MMS22L: variants seen among roughly 807,000 people sequenced by gnomAD.
MMS22L encodes the protein protein MMS22-like.
MMS22L carries 74 observed loss-of-function variants against 159.1 expected under a neutral mutation model. That is an observed-to-expected ratio of 0.47 (90% CI 0.39 to 0.56). The LOEUF (loss-of-function observed/expected upper bound fraction) is 0.56. MMS22L is among the 20% of genes least tolerant of loss of function. MMS22L has a pLI of 0.00. For synonymous variants in MMS22L, 517 were observed against 506.9 expected (o/e 1.02, Z -0.27); for missense variants, 1,351 against 1,422.1 (o/e 0.95, Z 0.80).
intron 5 of MMS22L, 27 bp from the exon 6 acceptor site, chr6:97,272,908 A>T (rs1815889714): frequency 6.2e-7 from 1 of 1,607,660 alleles, no homozygotes; most frequent in Non-Finnish European, 8.5e-7. Context: ...TAAAATAAAC[A>T]ACTAGAGTCT....
chr6:97,263,471 G>A lies in MMS22L; in HGVS notation c.829-23C>T, dbSNP rs779805059. The A allele has an allele frequency of 1.4e-5, 18 of 1,299,522 alleles. 1 individual carries two copies. The South Asian group carries it at 2.5e-4, about 18-fold the overall frequency. 80.5% of individuals were successfully genotyped at this position (1,299,522 alleles called of 1,614,324 possible). ...AACCTATAGAAAATAACCAAAATGT[G>A]TTATTTATAAGACAGCAGCAGAATT... On this transcript the variant is annotated intron_variant, in intron 8 of 24. Coordinates refer to ENST00000683635, the MANE Select transcript of MMS22L (RefSeq NM_001350599.2).
At chr6:97,249,753 C>T (rs1218976584) in intron 10 of MMS22L, among the ~76,000 whole-genome samples, 1 of 127,610 alleles carries the variant, frequency 7.8e-6, no homozygotes, top group African/African-American at 3.0e-5. Context: ...TTTTACCTAA[C>T]ATGCCTTCCC....
rs781776706 is a variant in MMS22L, at chr6:97,281,361, A to G, written c.166T>C (p.Leu56=). The change falls in exon 3 of 25, where the codon TTG becomes CTG. Residue 56 remains leucine (L), a splice_region_variant and synonymous_variant. Transcript: ENST00000683635. ...SYLCSGALKR[L]ILNLDPLPTN... The stretch of plus-strand genomic sequence containing the variant: ...GGTAAAGGGTCAAGATTCAAAATCA[A>G]TCTGAAATGAAAATTGTTTCAATCT... The G allele has an allele frequency of 3.1e-6, 5 of 1,592,106 alleles. No individual in the cohort carries two copies. Among genetic ancestry groups the G allele is most frequent in the Middle Eastern group, 3.4e-4 (2 of 5,948 alleles).
chr6:97,240,102 T>C (rs943267258), intron 11 of MMS22L, among the ~76,000 whole-genome samples: 2 of 152,140 alleles, frequency 1.3e-5, no homozygotes, highest in African/African-American at 4.8e-5. Flanking sequence ...GGGAGGAAAA[T>C]AGATATAATC....
At chr6:97,151,650 TTGAAATACTATAAAC>T in intron 23 of MMS22L, 106 bp downstream of exon 23, 1 of 751,384 alleles carries the variant, frequency 1.3e-6, no homozygotes. Context: ...AATACAATAA[TTGAAATACTATAAAC>T]AAGTAGTAAC....
At chr6:97,182,140 GTTTTTT>G in intron 15 of MMS22L, 86 bp from the exon 16 acceptor site, 2 of 739,406 alleles carry the variant, frequency 2.7e-6, no homozygotes, top group Non-Finnish European at 3.9e-6. Flanking sequence ...TATAACAAGT[GTTTTTT>G]TTTTTTTTAA....
chr6:97,159,167 C>T (rs1241545532), intron 22 of MMS22L, among the ~76,000 whole-genome samples: 4 of 148,588 alleles, frequency 2.7e-5, no homozygotes. Flanking sequence ...CTTGGTAAAT[C>T]TTCCTTAATC....
intron 18 of MMS22L, among the ~76,000 whole-genome samples, 173 bp from the exon 19 acceptor site, chr6:97,173,395 G>T (rs1208566436): frequency 6.6e-6 from 1 of 151,830 alleles, no homozygotes; most frequent in Non-Finnish European, 1.5e-5. Context: ...CAAGTAAAAA[G>T]AATTAAGTCT....
intron 16 of MMS22L, among the ~76,000 whole-genome samples, chr6:97,180,933 C>T (rs1027561626): frequency 6.6e-6 from 1 of 152,116 alleles, no homozygotes; most frequent in Admixed American, 6.6e-5. Context: ...TGATGGGCAG[C>T]TTGGACAAAA....
intron 22 of MMS22L, among the ~76,000 whole-genome samples, chr6:97,157,786 T>G (rs1465468233): frequency 6.6e-6 from 1 of 152,158 alleles, no homozygotes; most frequent in Non-Finnish European, 1.5e-5. Flanking sequence ...TTTTTTTTTG[T>G]TGTTGTGTCT....
In MMS22L at chr6:97,282,396, AAGG is replaced by A. The variant is rs1816834650; in HGVS notation, c.79_81del (p.Pro27del). 3 of 1,614,122 alleles carry A rather than the reference AAGG, an allele frequency of 1.9e-6. No homozygotes were observed. Among genetic ancestry groups the A allele is most frequent in the African/African-American group, 1.3e-5 (1 of 75,036 alleles). On this transcript the variant is annotated inframe_deletion, in exon 2 of 25. Transcript: ENST00000683635. ...CTGTTGTCAACAGCACAAGAAAAGT[AAGG>A]AGGTTTGCACCATTCCGTCCCCAGC... is the stretch of plus-strand genomic sequence containing the variant.
intron 8 of MMS22L, chr6:97,265,723 T>C (rs1294718977): frequency 6.6e-6 from 1 of 151,752 alleles, no homozygotes; most frequent in African/African-American, 2.4e-5. Context: ...TTTTTTCTTT[T>C]TTTTTTTTTG....
Position 97,254,663 on chromosome 6 carries a change from G to A in MMS22L, c.1013C>T (p.Ser338Phe), listed in dbSNP as rs368168206. 1.2e-6 allele frequency: 2 copies of A among 1,613,022 alleles called. No individual in the cohort carries two copies. The highest frequency in any genetic ancestry group is 1.7e-6 in the Non-Finnish European group (2 of 1,179,582). ...ATCCCTGGACTGGATTACAGGCATAGAGGATCTTCTTCGGTCACTTGATTT... is the reference window on the plus strand; with the variant it reads ...ATCCCTGGACTGGATTACAGGCATAAAGGATCTTCTTCGGTCACTTGATTT... ...LEKSSDRRRS[S>F]MPVIQSRDPL... Residue 338 changes from serine (S) to phenylalanine (F), a missense_variant, in exon 10 of 25, where the codon TCT becomes TTT. Coordinates refer to ENST00000683635, the MANE Select transcript of MMS22L (RefSeq NM_001350599.2).
At chr6:97,254,802 C>A (rs1056659060) in intron 9 of MMS22L, 69 bp from the exon 10 acceptor site, 5 of 1,292,542 alleles carry the variant, frequency 3.9e-6, no homozygotes, top group African/African-American at 1.5e-5. Context: ...TGGTTTTTCT[C>A]TATTTTTATA....
chr6:97,225,101 T>C (rs1160060503), intron 14 of MMS22L, among the ~76,000 whole-genome samples: 1 of 152,118 alleles, frequency 6.6e-6, no homozygotes, highest in African/African-American at 2.4e-5. Flanking sequence ...AAGAAGACAG[T>C]ATTTATAAGC....
At chr6:97,162,960 T>C (rs188599755) in intron 21 of MMS22L, among the ~76,000 whole-genome samples, 3 of 151,968 alleles carry the variant, frequency 2.0e-5, no homozygotes, top group Admixed American at 2.0e-4. Flanking sequence ...CATATATATA[T>C]ATATTTGCAA....
intron 6 of MMS22L, chr6:97,271,247 G>A (rs1385929555): frequency 6.6e-6 from 1 of 152,072 alleles, no homozygotes; most frequent in African/African-American, 2.4e-5. Context: ...TTTGAAGACT[G>A]TAAAGTTCCC....
Position 97,226,714 on chromosome 6 carries a change from T to A in MMS22L, c.2039+2180A>T, listed in dbSNP as rs562657384. 3.7e-4 allele frequency among the ~76,000 whole-genome samples: 56 copies of A among 152,166 alleles called. 1 individual carries two copies. The South Asian group carries it at 0.011, about 30-fold the overall frequency. The stretch of plus-strand genomic sequence containing the variant: ...CATATATAGTGTGTGTATATATATG[T>A]ATGTAGGTAGGAAGGAGATATCTGG... On this transcript the variant is annotated intron_variant, in intron 14 of 24. Coordinates refer to ENST00000683635, the MANE Select transcript of MMS22L (RefSeq NM_001350599.2).
intron 14 of MMS22L, among the ~76,000 whole-genome samples, chr6:97,199,677 T>A (rs1260170890): frequency 6.6e-6 from 1 of 151,620 alleles, no homozygotes; most frequent in African/African-American, 2.4e-5. Context: ...ACAAACCTCA[T>A]CATCAGCTCC....
Sources: allele counts gnomAD v4.1 joint callset (sites outside exome capture counted in the v4.1 genomes callset), GRCh38; gene constraint gnomAD v4.1.1; transcripts MANE v1.5; gene names NCBI Gene and HGNC (gene_info 2026-07-23, HGNC 2026-07-21).